Variants in EXOC6 observed in about 807,000 individuals in gnomAD.
EXOC6 encodes the protein exocyst complex component 6, also known as SEC15-like 1.
EXOC6 carries 60 observed loss-of-function variants against 112.5 expected under a neutral mutation model. The observed-to-expected ratio is 0.53, with a 90% CI of 0.43 to 0.66. The LOEUF (loss-of-function observed/expected upper bound fraction) is 0.66, where lower values mean the gene tolerates loss of function less well. Among genes scored for constraint, EXOC6 ranks in the 30% least tolerant of loss-of-function variants. EXOC6 has a pLI of 0.00. For synonymous variants in EXOC6, 295 were observed against 308.0 expected (o/e 0.96, Z 0.44); for missense variants, 855 against 957.1 (o/e 0.89, Z 1.41).
chr10:92,988,808 C>T lies in EXOC6; in HGVS notation c.1954-8666C>T, dbSNP rs1474873733. ...CCCATCTCTACAAAAAATACACACA[C>T]ACACACACACACACACACACACACA... On this transcript the variant is annotated intron_variant, in intron 18 of 21. Coordinates refer to ENST00000260762, the MANE Select transcript of EXOC6 (RefSeq NM_019053.6). 8.6e-5 allele frequency among the ~76,000 whole-genome samples: 5 copies of T among 58,130 alleles called. No homozygotes were observed. In the East Asian group the frequency reaches 9.7e-4, roughly 11 times the overall value. The allele number at this position is 58,130 out of a possible 152,430, so 38.1% of individuals were successfully genotyped here.
At position 92,920,054 on chromosome 10, in the gene EXOC6, A is replaced by T. The variant is rs766514008; in HGVS notation, c.888+4A>T. The T allele has an allele frequency of 1.3e-6, 2 of 1,575,436 alleles. No individual in the cohort carries two copies. Among genetic ancestry groups the T allele is most frequent in the Admixed American group, 3.4e-5 (2 of 58,290 alleles). On this transcript the variant is annotated splice_donor_region_variant and intron_variant, in intron 8 of 21. Transcript: ENST00000260762. ...TTTGCACATTTATTCTGTTTTGGTA[A>T]GTATGTTTTATATTTATGTATATAT...
intron 20 of EXOC6, among the ~76,000 whole-genome samples, chr10:93,023,367 A>C (rs866075060): frequency 6.6e-6 from 1 of 152,198 alleles, no homozygotes; most frequent in African/African-American, 2.4e-5. Flanking sequence ...GATCATCGGG[A>C]TTGCCCTCTT....
chr10:92,999,063 G>A (rs1376321611), intron 19 of EXOC6, among the ~76,000 whole-genome samples: 1 of 152,068 alleles, frequency 6.6e-6, no homozygotes, highest in African/African-American at 2.4e-5. Flanking sequence ...GTAGAGACGG[G>A]CTTTTGCCAC....
chr10:92,875,218 A>G (rs1181502523), intron 1 of EXOC6, among the ~76,000 whole-genome samples: 1 of 152,158 alleles, frequency 6.6e-6, no homozygotes, highest in African/African-American at 2.4e-5. Flanking sequence ...AATTATGCAC[A>G]ATGCCATGTT....
chr10:92,920,699 T>C (rs552181096), intron 8 of EXOC6, among the ~76,000 whole-genome samples: 181 of 152,366 alleles, frequency 1.2e-3, no homozygotes, highest in African/African-American at 4.2e-3. Context: ...AGTCTTCAAC[T>C]ATAACTGTTG....
At chr10:92,991,568 T>A (rs2486692) in intron 18 of EXOC6, among the ~76,000 whole-genome samples, 1,618 of 152,128 alleles carry the variant, frequency 0.011, 32 homozygotes, top group African/African-American at 0.037. Context: ...ACTCAAAAGA[T>A]TGTTTAACAA....
At chr10:92,832,584 G>A (rs1279092771), upstream of EXOC6, among the ~76,000 whole-genome samples, 6 of 152,088 alleles carry the variant, frequency 3.9e-5, no homozygotes, top group African/African-American at 4.8e-5. Context: ...GGCCTACAAG[G>A]TGTACACTCT....
intron 20 of EXOC6, among the ~76,000 whole-genome samples, chr10:93,038,152 G>C (rs1406785541): frequency 2.7e-5 from 4 of 150,206 alleles, no homozygotes; most frequent in African/African-American, 9.8e-5. Context: ...GTTATGGGAA[G>C]TTTAAATATT....
intron 1 of EXOC6, among the ~76,000 whole-genome samples, chr10:92,864,096 G>A (rs1170862548): frequency 6.6e-6 from 1 of 151,702 alleles, no homozygotes; most frequent in African/African-American, 2.4e-5. Flanking sequence ...AACCTTTTTT[G>A]CTTGCTTAAA....
intron 17 of EXOC6, among the ~76,000 whole-genome samples, chr10:92,961,764 A>G (rs1589920739): frequency 1.3e-5 from 2 of 151,564 alleles, no homozygotes; most frequent in Admixed American, 6.6e-5. Context: ...TATAAAGATC[A>G]TGGAAAGCAG....
intron 17 of EXOC6, among the ~76,000 whole-genome samples, chr10:92,963,457 C>T (rs915662058): frequency 6.6e-6 from 1 of 151,928 alleles, no homozygotes; most frequent in Non-Finnish European, 1.5e-5. Flanking sequence ...TTGTGACCTG[C>T]GTACTTTAGA....
At chr10:92,841,341 G>A (rs1589676543) in intron 1 of EXOC6, among the ~76,000 whole-genome samples, 1 of 152,294 alleles carries the variant, frequency 6.6e-6, no homozygotes, top group East Asian at 1.9e-4. Context: ...CTGGCTTACA[G>A]TAATGTAAAT....
At chr10:92,877,330 T>G (rs932609411) in intron 1 of EXOC6, among the ~76,000 whole-genome samples, 1 of 152,182 alleles carries the variant, frequency 6.6e-6, no homozygotes, top group African/African-American at 2.4e-5. Flanking sequence ...GCATTCCTTA[T>G]GAGTCTAAGA....
intron 20 of EXOC6, among the ~76,000 whole-genome samples, chr10:93,034,430 C>A (rs571062882): frequency 1.3e-5 from 2 of 152,266 alleles, no homozygotes; most frequent in East Asian, 1.9e-4. Context: ...CTCTACCATA[C>A]CCCCAAATGA....
At chr10:93,045,751 A>G (rs1845977438) in intron 20 of EXOC6, among the ~76,000 whole-genome samples, 1 of 152,244 alleles carries the variant, frequency 6.6e-6, no homozygotes, top group Non-Finnish European at 1.5e-5. Context: ...TGGTGAAGTC[A>G]TTACATAACT....
chr10:92,955,747 C>A, intron 17 of EXOC6, 33 bp downstream of exon 17: 1 of 1,593,624 alleles, frequency 6.3e-7, no homozygotes. Flanking sequence ...GTTTTCATTT[C>A]AGTCACTGTA....
intron 18 of EXOC6, among the ~76,000 whole-genome samples, chr10:92,980,685 A>T (rs1842794794): frequency 6.6e-6 from 1 of 152,214 alleles, no homozygotes; most frequent in Non-Finnish European, 1.5e-5. Context: ...ATGCTAGCTA[A>T]TGCCAATGAG....
At chr10:92,965,386 G>T (rs962327953) in intron 17 of EXOC6, among the ~76,000 whole-genome samples, 1 of 152,042 alleles carries the variant, frequency 6.6e-6, no homozygotes, top group Admixed American at 6.6e-5. Context: ...CTCAAATTAT[G>T]CTAGATACAT....
chr10:92,879,283 C>T (rs1383472984), intron 1 of EXOC6, among the ~76,000 whole-genome samples: 2 of 152,156 alleles, frequency 1.3e-5, no homozygotes, highest in African/African-American at 2.4e-5. Flanking sequence ...GCCTGGGCAA[C>T]GTAGGGAGAC....
Sources: gnomAD v4.1 joint callset for allele counts (sites outside exome capture counted in the v4.1 genomes callset) on GRCh38, gnomAD v4.1.1 for gene constraint, MANE v1.5 for transcripts, NCBI Gene and HGNC (gene_info 2026-07-23, HGNC 2026-07-21) for gene names.